SRSF11: variants seen among roughly 807,000 people sequenced by gnomAD.
SRSF11 encodes serine/arginine-rich splicing factor 11.
Under a neutral mutation model 56.0 loss-of-function variants are expected in SRSF11, and 9 were observed. The observed-to-expected ratio is 0.16, with a 90% CI of 0.10 to 0.28. The LOEUF is 0.28. SRSF11 is among the 10% of genes least tolerant of loss of function. SRSF11 has a pLI of 1.00. For missense variants in SRSF11, 421 were observed against 600.7 expected (o/e 0.70, Z 3.13); for synonymous variants, 222 against 215.3 (o/e 1.03, Z -0.27).
intron 1 of SRSF11, among the ~76,000 whole-genome samples, chr1:70,216,166 G>A (rs1354991191): frequency 6.6e-6 from 1 of 152,138 alleles, no homozygotes; most frequent in Non-Finnish European, 1.5e-5. Flanking sequence ...AAGAACTAAA[G>A]CTTGTTCATT....
Position 70,244,766 on chromosome 1 carries a change from T to A in SRSF11, c.883T>A (p.Ser295Thr). 1 of 1,614,128 alleles carries A rather than the reference T, an allele frequency of 6.2e-7. No individual in the cohort carries two copies. The highest frequency in any genetic ancestry group is 8.5e-7 in the Non-Finnish European group (1 of 1,180,012). The stretch of plus-strand genomic sequence containing the variant: ...ATCCAAAAGCCCAAGGCGGAGAAGA[T>A]CTCATTCCAGAGAAAGAGGTAGAAG... ...RRSKSPRRRR[S>T]HSRERGRRSR... Residue 295 changes from serine (S) to threonine (T), a missense_variant, in exon 8 of 12, where the codon TCT becomes ACT. This residue lies in a region of SRSF11 where 253 missense variants were observed against 305.8 expected (regional missense o/e 0.83). Transcript: ENST00000370949.
intron 2 of SRSF11, chr1:70,229,722 C>T: frequency 1.0e-6 from 1 of 984,632 alleles, no homozygotes; most frequent in Non-Finnish European, 1.2e-6. Flanking sequence ...TGAGCATTTA[C>T]ACCATACCTT....
intron 1 of SRSF11, among the ~76,000 whole-genome samples, chr1:70,225,564 G>A (rs543578333): frequency 2.0e-5 from 3 of 152,280 alleles, no homozygotes; most frequent in Admixed American, 1.3e-4. Context: ...GTTCTCGTAC[G>A]TTAGTAGGCA....
At chr1:70,215,815 CTT>C (rs1669953118) in intron 1 of SRSF11, among the ~76,000 whole-genome samples, 1 of 152,160 alleles carries the variant, frequency 6.6e-6, no homozygotes, top group Non-Finnish European at 1.5e-5. Flanking sequence ...GAATTTCGCT[CTT>C]GTTACCCCAG....
Position 70,235,384 on chromosome 1 carries a change from T to C in SRSF11, c.541-117T>C, listed in dbSNP as rs1673742705. On this transcript the variant is annotated intron_variant, in intron 4 of 11. Transcript: ENST00000370949. ...CTTTTTTAATGTGGCTACTAAAAAA[T>C]TTATGTTTCATGGCATGTAGTCTGC... The C allele has an allele frequency of 8.4e-6, 7 of 833,544 alleles. No homozygotes were observed. The Admixed American group carries it at 2.0e-4, about 24-fold the overall frequency. The allele number at this position is 833,544 out of a possible 1,614,324, so 51.6% of individuals were successfully genotyped here.
intron 7 of SRSF11, among the ~76,000 whole-genome samples, chr1:70,243,940 G>A (rs1435864422): frequency 6.6e-6 from 1 of 152,104 alleles, no homozygotes; most frequent in African/African-American, 2.4e-5. Flanking sequence ...ACATCTAAAG[G>A]TTAATTGTGC....
At chr1:70,234,552 T>C (rs1199702778) in intron 3 of SRSF11, 144 bp from the exon 4 acceptor site, 2 of 523,580 alleles carry the variant, frequency 3.8e-6, no homozygotes, top group African/African-American at 3.9e-5. Context: ...GTTATATGGT[T>C]TGTGTACAAC....
upstream of SRSF11, among the ~76,000 whole-genome samples, chr1:70,217,183 C>T (rs1002111834): frequency 2.0e-5 from 3 of 151,558 alleles, no homozygotes; most frequent in South Asian, 4.2e-4. Context: ...TTTGAGATGG[C>T]GTTTCGCTCT....
intron 2 of SRSF11, chr1:70,230,816 A>C: frequency 8.5e-7 from 1 of 1,177,738 alleles, no homozygotes; most frequent in Non-Finnish European, 1.1e-6. Flanking sequence ...GTTGATACTG[A>C]ATATATCCTC....
chr1:70,247,320 T>TA (rs1451651103), intron 9 of SRSF11, among the ~76,000 whole-genome samples: 1 of 152,118 alleles, frequency 6.6e-6, no homozygotes, highest in Non-Finnish European at 1.5e-5. Context: ...CAGGTTCTGG[T>TA]TTGTGTCATT....
At chr1:70,232,963 A>C (rs1031633439) in intron 3 of SRSF11, among the ~76,000 whole-genome samples, 1 of 152,242 alleles carries the variant, frequency 6.6e-6, no homozygotes, top group Non-Finnish European at 1.5e-5. Flanking sequence ...GTAACTGGTC[A>C]GTAGTTTCAA....
chr1:70,237,273 A>C, intron 5 of SRSF11, 152 bp from the exon 6 acceptor site: 1 of 846,814 alleles, frequency 1.2e-6, no homozygotes. Flanking sequence ...GTGCTATGCT[A>C]TATGTTGTTT....
chr1:70,243,279 C>G (rs1675910619), intron 7 of SRSF11, among the ~76,000 whole-genome samples: 1 of 131,608 alleles, frequency 7.6e-6, no homozygotes, highest in Admixed American at 8.9e-5. Context: ...TCAGTCCTGA[C>G]TATACATGGG....
chr1:70,250,168 CCTT>C, intron 10 of SRSF11, 121 bp downstream of exon 10: 2 of 1,250,306 alleles, frequency 1.6e-6, no homozygotes, highest in South Asian at 1.4e-5. Flanking sequence ...AATGTATTCT[CCTT>C]CTGACTTGTG....
At chr1:70,237,293 A>C (rs1345030065) in intron 5 of SRSF11, 132 bp from the exon 6 acceptor site, 4 of 1,110,752 alleles carry the variant, frequency 3.6e-6, no homozygotes, top group Non-Finnish European at 5.1e-6. Flanking sequence ...TACCAAAGTT[A>C]TCATGGAGTC....
At chr1:70,221,873 C>T (rs1480498410) in intron 1 of SRSF11, 34 bp downstream of exon 1, 1 of 1,611,966 alleles carries the variant, frequency 6.2e-7, no homozygotes, top group Non-Finnish European at 8.5e-7. Flanking sequence ...TTCCTGCTAA[C>T]GCCGCCTCAG....
intron 5 of SRSF11, among the ~76,000 whole-genome samples, chr1:70,236,152 T>G (rs900002294): frequency 9.9e-5 from 15 of 152,086 alleles, no homozygotes; most frequent in African/African-American, 3.6e-4. Flanking sequence ...TGGACTTTTT[T>G]CTTAGAAATT....
At chr1:70,247,090 C>A in intron 9 of SRSF11, 183 bp downstream of exon 9, 1 of 1,141,058 alleles carries the variant, frequency 8.8e-7, no homozygotes, top group Non-Finnish European at 1.1e-6. Context: ...GTTTATTTTT[C>A]TTTTTACTTA....
upstream of SRSF11, chr1:70,218,787 T>C (rs1334554989): frequency 1.3e-5 from 2 of 152,214 alleles, no homozygotes; most frequent in Non-Finnish European, 1.5e-5. Flanking sequence ...TTAATTACCA[T>C]TCTTTGTATT....
Sources: gnomAD v4.1 joint callset for allele counts (sites outside exome capture counted in the v4.1 genomes callset) on GRCh38, gnomAD v4.1.1 for gene constraint, gnomAD v4.1.1 regional missense constraint, MANE v1.5 for transcripts, NCBI Gene and HGNC (gene_info 2026-07-23, HGNC 2026-07-21) for gene names.